PCBP3: variants seen among roughly 807,000 people sequenced by gnomAD.
PCBP3 encodes the protein poly(rC)-binding protein 3.
PCBP3 carries 25 observed loss-of-function variants against 52.7 expected under a neutral mutation model. That is an observed-to-expected ratio of 0.47 (90% CI 0.35 to 0.66). The LOEUF (loss-of-function observed/expected upper bound fraction) is 0.66. Among genes scored for constraint, PCBP3 ranks in the 30% least tolerant of loss-of-function variants. PCBP3 has a pLI of 0.01. For synonymous variants in PCBP3, 162 were observed against 183.0 expected (o/e 0.89, Z 0.93); for missense variants, 391 against 490.3 (o/e 0.80, Z 1.91).
At chr21:45,720,857 A>G (rs1411862410) in intron 2 of PCBP3, among the ~76,000 whole-genome samples, 1 of 152,214 alleles carries the variant, frequency 6.6e-6, no homozygotes, top group Non-Finnish European at 1.5e-5. Context: ...TTCTAAGATG[A>G]TTTGGACCTT....
chr21:45,670,451 A>G (rs1343565374), intron 2 of PCBP3, among the ~76,000 whole-genome samples: 1 of 152,194 alleles, frequency 6.6e-6, no homozygotes, highest in East Asian at 1.9e-4. Flanking sequence ...TTAGGCTACT[A>G]GACATTTGTA....
At chr21:45,807,754 C>A (rs539014518) in intron 4 of PCBP3, among the ~76,000 whole-genome samples, 26 of 149,436 alleles carry the variant, frequency 1.7e-4, no homozygotes, top group Non-Finnish European at 3.3e-4. Context: ...AAAACAAAAA[C>A]AAAACAAAAA....
At chr21:45,664,332 A>T (rs949693029) in intron 1 of PCBP3, among the ~76,000 whole-genome samples, 1 of 146,794 alleles carries the variant, frequency 6.8e-6, no homozygotes, top group Non-Finnish European at 1.5e-5. Flanking sequence ...ATAAACTATC[A>T]ACCTAGAACT....
At position 45,724,249 on chromosome 21, in the gene PCBP3, C is replaced by T. The variant is rs560035802; in HGVS notation, c.-199-11143C>T. ...ATTAACACATTTATCGAAAATGGAA[C>T]CTATGAGCAAATTCCTAGGAGCTGC... On this transcript the variant is annotated intron_variant, in intron 2 of 17. Coordinates refer to ENST00000681687, the MANE Select transcript of PCBP3 (RefSeq NM_001384156.1). This position sits in a 1 kb window ranked among gnomAD's most constrained non-coding sequence, Gnocchi z 5.3. Among the ~76,000 whole-genome samples, 2 of 152,314 alleles carry T rather than the reference C, an allele frequency of 1.3e-5. No individual in the cohort carries two copies. The highest frequency in any genetic ancestry group is 1.9e-4 in the East Asian group (1 of 5,188).
At chr21:45,650,348 T>C (rs962606119) in intron 1 of PCBP3, among the ~76,000 whole-genome samples, 1 of 152,206 alleles carries the variant, frequency 6.6e-6, no homozygotes, top group African/African-American at 2.4e-5. Context: ...ATTTGGGATT[T>C]TGGCATATAT....
chr21:45,668,261 A>G (rs958398676), intron 1 of PCBP3, among the ~76,000 whole-genome samples: 2 of 152,172 alleles, frequency 1.3e-5, no homozygotes, highest in African/African-American at 2.4e-5. Flanking sequence ...CTCATTCCCC[A>G]GATTTTCCTT....
At chr21:45,787,890 T>G (rs1319300109) in intron 4 of PCBP3, among the ~76,000 whole-genome samples, 1 of 152,232 alleles carries the variant, frequency 6.6e-6, no homozygotes, top group Non-Finnish European at 1.5e-5. Flanking sequence ...TTGAAAGCCT[T>G]ACTAAAGAGA....
At chr21:45,646,101 C>CTGTGTGTGTG (rs1409409428) in intron 1 of PCBP3, among the ~76,000 whole-genome samples, 2 of 76,432 alleles carry the variant, frequency 2.6e-5, no homozygotes, top group African/African-American at 4.5e-5. Flanking sequence ...CTCTCTCTCT[C>CTGTGTGTGTG]TCTCTCTGTG....
intron 2 of PCBP3, among the ~76,000 whole-genome samples, chr21:45,725,304 T>C (rs1196227021): frequency 6.6e-6 from 1 of 152,228 alleles, no homozygotes; most frequent in Non-Finnish European, 1.5e-5. Flanking sequence ...ATGGTGGTTT[T>C]TTTTCTGATT....
intron 2 of PCBP3, among the ~76,000 whole-genome samples, chr21:45,682,690 G>A (rs2081923775): frequency 6.6e-6 from 1 of 152,040 alleles, no homozygotes; most frequent in Non-Finnish European, 1.5e-5. Context: ...TGACAAGCAG[G>A]AGAATGGCGT....
At chr21:45,825,833 T>C (rs11910565) in intron 4 of PCBP3, among the ~76,000 whole-genome samples, 2,586 of 152,216 alleles carry the variant, frequency 0.017, 97 homozygotes, top group African/African-American at 0.059. Context: ...TGTGGAATCT[T>C]TCACAGGGAG....
At chr21:45,886,262 G>A (rs2095518836) in intron 5 of PCBP3, among the ~76,000 whole-genome samples, 1 of 63,430 alleles carries the variant, frequency 1.6e-5, no homozygotes, top group Non-Finnish European at 3.2e-5. Flanking sequence ...TGTGGAGGAG[G>A]CCTCATTGCC....
At chr21:45,769,546 A>G (rs933600879) in intron 4 of PCBP3, among the ~76,000 whole-genome samples, 1 of 152,266 alleles carries the variant, frequency 6.6e-6, no homozygotes. Flanking sequence ...AGAACCGCCT[A>G]TCCAGGCCGG....
intron 5 of PCBP3, among the ~76,000 whole-genome samples, chr21:45,868,136 G>A (rs1342835030): frequency 6.6e-6 from 1 of 152,268 alleles, no homozygotes; most frequent in African/African-American, 2.4e-5. Flanking sequence ...TTCACTGCCT[G>A]TCGGTTATGC....
At chr21:45,826,129 A>T (rs2093301726) in intron 4 of PCBP3, among the ~76,000 whole-genome samples, 1 of 152,026 alleles carries the variant, frequency 6.6e-6, no homozygotes, top group Non-Finnish European at 1.5e-5. Context: ...GTGGTGGCAC[A>T]TGCCTGTAAT....
chr21:45,780,102 A>G (rs892910842), intron 4 of PCBP3, among the ~76,000 whole-genome samples: 2 of 152,260 alleles, frequency 1.3e-5, no homozygotes, highest in Non-Finnish European at 2.9e-5. Flanking sequence ...TGTCATTTAT[A>G]AAAATTACAG....
At chr21:45,707,951 G>T (rs1359653097) in intron 2 of PCBP3, among the ~76,000 whole-genome samples, 1 of 152,202 alleles carries the variant, frequency 6.6e-6, no homozygotes, top group Non-Finnish European at 1.5e-5. Flanking sequence ...AGGTGAGGAG[G>T]ATGACCTGAG....
At chr21:45,895,926 G>A (rs936141177) in intron 5 of PCBP3, among the ~76,000 whole-genome samples, 2 of 152,248 alleles carry the variant, frequency 1.3e-5, no homozygotes, top group Admixed American at 6.5e-5. Flanking sequence ...AGGTGCTTCC[G>A]TGACCCTGGG....
chr21:45,777,061 A>C (rs1179103176), intron 4 of PCBP3, among the ~76,000 whole-genome samples: 1 of 152,104 alleles, frequency 6.6e-6, no homozygotes. Flanking sequence ...TTGTACTTCC[A>C]GGTTTAGGAC....
Sources: gnomAD v4.1 joint callset for allele counts (sites outside exome capture counted in the v4.1 genomes callset) on GRCh38, gnomAD v4.1.1 for gene constraint, Gnocchi (gnomAD v3.1) non-coding constraint, MANE v1.5 for transcripts, NCBI Gene and HGNC (gene_info 2026-07-23, HGNC 2026-07-21) for gene names.